MVB12B: variants seen among roughly 807,000 people sequenced by gnomAD.
MVB12B encodes ESCRT-I complex subunit MVB12B.
Under a neutral mutation model 41.6 loss-of-function variants are expected in MVB12B, and 16 were observed. The ratio of observed to expected loss-of-function variants is 0.38; its 90% CI spans 0.26 to 0.58. MVB12B has a LOEUF of 0.58. Ranked by LOEUF, MVB12B falls within the 20% of genes least tolerant of loss-of-function variation. MVB12B has a pLI of 0.62. For synonymous variants in MVB12B, 133 were observed against 139.7 expected, an observed-to-expected ratio of 0.95 and a Z score of 0.34; for missense variants, 274 against 380.2, an observed-to-expected ratio of 0.72 and a Z score of 2.32.
intron 1 of MVB12B, among the ~76,000 whole-genome samples, chr9:126,331,276 T>C (rs1829124013): frequency 6.6e-6 from 1 of 152,154 alleles, no homozygotes; most frequent in Non-Finnish European, 1.5e-5. Flanking sequence ...GAACAGTTAT[T>C]TTGTTTGTAT....
chr9:126,396,961 G>GCT (rs1831133742), intron 6 of MVB12B: 1 of 985,486 alleles, frequency 1.0e-6, no homozygotes, highest in Non-Finnish European at 1.2e-6. Flanking sequence ...GCTCCGCCCT[G>GCT]GAGGGCACTG....
intron 7 of MVB12B, among the ~76,000 whole-genome samples, chr9:126,439,403 G>T (rs2119134357): frequency 6.6e-6 from 1 of 152,334 alleles, no homozygotes; most frequent in Non-Finnish European, 1.5e-5. Flanking sequence ...TAGAAACCCA[G>T]ATGTTAGCAC....
At chr9:126,369,595 G>A (rs1281125706) in intron 2 of MVB12B, among the ~76,000 whole-genome samples, 2 of 151,936 alleles carry the variant, frequency 1.3e-5, no homozygotes, top group African/African-American at 4.8e-5. Context: ...TTATATAGGT[G>A]ATATCCTACA....
chr9:126,395,839 A>G lies in MVB12B; in HGVS notation c.662+142A>G. The G allele has an allele frequency of 6.9e-7, 1 of 1,446,188 alleles. No homozygotes were observed. The highest frequency in any genetic ancestry group is 1.6e-5 in the South Asian group (1 of 64,136). 89.6% of individuals were successfully genotyped at this position (1,446,188 alleles called of 1,614,324 possible). On this transcript the variant is annotated intron_variant, in intron 6 of 9. Transcript: ENST00000361171. The surrounding 1 kb of genome is among the most constrained non-coding windows in gnomAD (Gnocchi z 4.9). The stretch of plus-strand genomic sequence containing the variant: ...TAGAAGCAATATATCTTTAGAGGAG[A>G]TTTTTAAAAATCCACTTGGAAATCT...
intron 9 of MVB12B, among the ~76,000 whole-genome samples, chr9:126,491,757 A>C (rs573998778): frequency 6.3e-4 from 96 of 152,326 alleles, no homozygotes; most frequent in South Asian, 2.1e-4. Flanking sequence ...ATTCCAGCCC[A>C]AAACAAAGAA....
chr9:126,337,894 C>T (rs945816395), intron 1 of MVB12B, among the ~76,000 whole-genome samples: 3 of 152,132 alleles, frequency 2.0e-5, no homozygotes, highest in African/African-American at 4.8e-5. Context: ...CTTGAGGCTC[C>T]GCGCGGCCTG....
At chr9:126,450,018 G>A (rs1340478212) in intron 7 of MVB12B, among the ~76,000 whole-genome samples, 1 of 152,200 alleles carries the variant, frequency 6.6e-6, no homozygotes, top group South Asian at 2.1e-4. Context: ...TTAAGTTGCT[G>A]TCTCATTTCC....
Position 126,390,482 on chromosome 9 carries a change from C to G in MVB12B, c.410-1584C>G, listed in dbSNP as rs371339762. 1.6e-4 allele frequency among the ~76,000 whole-genome samples: 24 copies of G among 152,346 alleles called. No individual in the cohort carries two copies. In the East Asian group the frequency reaches 4.2e-3, roughly 27 times the overall value. ...ACTCAGGTTTAAAAGCACAAACAAA[C>G]ACACACCTCCCGTTGGTCAGCACTG... On this transcript the variant is annotated intron_variant, in intron 4 of 9. Transcript: ENST00000361171.
In MVB12B at chr9:126,503,549, A is replaced by C; in HGVS notation, c.*286A>C. ...GTGTGATGACCAGTTGTCCTCCAAA[A>C]ACCTCACTCACCACGGAGTCACCCT... On this transcript the variant is annotated 3_prime_UTR_variant, in exon 10 of 10. Coordinates refer to ENST00000361171, the MANE Select transcript of MVB12B (RefSeq NM_033446.3). 4 of 466,546 alleles carry C rather than the reference A, an allele frequency of 8.6e-6. No individual in the cohort carries two copies. The highest frequency in any genetic ancestry group is 3.9e-5 in the Admixed American group (1 of 25,932). 28.9% of individuals were successfully genotyped at this position (466,546 alleles called of 1,614,324 possible).
In MVB12B at chr9:126,399,917, G is replaced by A. The variant is rs565980780; in HGVS notation, c.662+4220G>A. On this transcript the variant is annotated intron_variant, in intron 6 of 9. Coordinates refer to ENST00000361171, the MANE Select transcript of MVB12B (RefSeq NM_033446.3). The stretch of plus-strand genomic sequence containing the variant: ...ACAACCTGCTGGAGCCATGGGAGGC[G>A]ATGGGCGCAGGCGGAGAGGGCCCCC... Among the ~76,000 whole-genome samples, 14 of 152,318 alleles carry A rather than the reference G, an allele frequency of 9.2e-5. No homozygotes were observed. The East Asian group carries it at 9.6e-4, about 10-fold the overall frequency.
intron 1 of MVB12B, among the ~76,000 whole-genome samples, chr9:126,329,659 A>G (rs1189888093): frequency 6.6e-6 from 1 of 152,176 alleles, no homozygotes; most frequent in African/African-American, 2.4e-5. Context: ...TCCATACTCA[A>G]AGGGAGACAT....
At position 126,340,153 on chromosome 9, in the gene MVB12B, G is replaced by A. The variant is rs990071268; in HGVS notation, c.82-355G>A. Reference sequence around the variant, plus strand: ...AGGAAAGGTGTTGTTAAGCTTAGCCGTGTCTGACATGTCTTCAGAGCAGCT... The same window carrying A: ...AGGAAAGGTGTTGTTAAGCTTAGCCATGTCTGACATGTCTTCAGAGCAGCT... On this transcript the variant is annotated intron_variant, in intron 1 of 9. Coordinates refer to ENST00000361171, the MANE Select transcript of MVB12B (RefSeq NM_033446.3). This position sits in a 1 kb window ranked among gnomAD's most constrained non-coding sequence, Gnocchi z 4.0. 2.6e-5 allele frequency among the ~76,000 whole-genome samples: 4 copies of A among 152,100 alleles called. No homozygotes were observed. Among genetic ancestry groups the A allele is most frequent in the South Asian group, 2.1e-4 (1 of 4,828 alleles).
At chr9:126,358,397 C>T (rs577728469) in intron 2 of MVB12B, among the ~76,000 whole-genome samples, 3 of 150,974 alleles carry the variant, frequency 2.0e-5, no homozygotes, top group Non-Finnish European at 2.9e-5. Context: ...TGGGTCAATT[C>T]GCAGGTAGTT....
At chr9:126,447,529 T>TAATAA (rs1360364009) in intron 7 of MVB12B, among the ~76,000 whole-genome samples, 9 of 152,202 alleles carry the variant, frequency 5.9e-5, no homozygotes, top group Non-Finnish European at 1.3e-4. Context: ...TATTATGTAA[T>TAATAA]TATCCGAGAA....
chr9:126,346,179 C>T (rs1049159405), intron 2 of MVB12B, among the ~76,000 whole-genome samples: 7 of 152,044 alleles, frequency 4.6e-5, no homozygotes, highest in Non-Finnish European at 7.4e-5. Context: ...GAAAACCCTT[C>T]GGGGGAGGAT....
intron 7 of MVB12B, among the ~76,000 whole-genome samples, chr9:126,479,761 G>A (rs1403428161): frequency 2.0e-5 from 3 of 152,212 alleles, no homozygotes; most frequent in Admixed American, 6.5e-5. Flanking sequence ...AGCGACTGCC[G>A]CCACCTGTGC....
intron 7 of MVB12B, among the ~76,000 whole-genome samples, chr9:126,467,504 C>G (rs530136260): frequency 1.6e-3 from 241 of 152,248 alleles, no homozygotes; most frequent in African/African-American, 5.7e-3. Flanking sequence ...TACTGTAGGC[C>G]TACGTGAATA....
chr9:126,470,891 G>A lies in MVB12B; in HGVS notation c.758-10478G>A, dbSNP rs529817453. Among the ~76,000 whole-genome samples the A allele has an allele frequency of 9.2e-5, 14 of 152,278 alleles. No individual in the cohort carries two copies. In the East Asian group the frequency reaches 2.1e-3, roughly 23 times the overall value. ...GAAAGCAGGTAGAAAAAGGTCAACC[G>A]TGAAAGGGTATTTCCCTCTGTACAG... On this transcript the variant is annotated intron_variant, in intron 7 of 9. Coordinates refer to ENST00000361171, the MANE Select transcript of MVB12B (RefSeq NM_033446.3).
At chr9:126,447,940 T>A (rs1832816180) in intron 7 of MVB12B, 1 of 152,300 alleles carries the variant, frequency 6.6e-6, no homozygotes, top group African/African-American at 2.4e-5. Flanking sequence ...GCATCTCGCA[T>A]TTTTGGCCAT....
Sources: allele counts gnomAD v4.1 joint callset (sites outside exome capture counted in the v4.1 genomes callset), GRCh38; gene constraint gnomAD v4.1.1; non-coding constraint Gnocchi (gnomAD v3.1); transcripts MANE v1.5; gene names NCBI Gene and HGNC (gene_info 2026-07-23, HGNC 2026-07-21).